NAALADL2: variants seen among roughly 807,000 people sequenced by gnomAD.
NAALADL2 encodes N-acetylated alpha-linked acidic dipeptidase like 2.
NAALADL2 carries 76 observed loss-of-function variants against 87.2 expected under a neutral mutation model. The observed-to-expected ratio is 0.87, with a 90% CI of 0.72 to 1.05. The LOEUF (loss-of-function observed/expected upper bound fraction) is 1.05. Ranked by LOEUF, NAALADL2 falls within the 50% of genes least tolerant of loss-of-function variation. NAALADL2 has a pLI of 0.00. For missense variants in NAALADL2, 1,089 were observed against 945.8 expected, an observed-to-expected ratio of 1.15 and a Z score of -1.99; for synonymous variants, 354 against 331.0, an observed-to-expected ratio of 1.07 and a Z score of -0.75.
chr3:174,687,204 T>C (rs1050707407), intron 2 of NAALADL2, among the ~76,000 whole-genome samples: 4 of 152,146 alleles, frequency 2.6e-5, no homozygotes, highest in African/African-American at 9.7e-5. Context: ...ACTGGAACCC[T>C]CCTTTCTCGA....
chr3:175,620,274 A>G (rs879350953), intron 10 of NAALADL2, among the ~76,000 whole-genome samples: 2 of 152,050 alleles, frequency 1.3e-5, no homozygotes, highest in Non-Finnish European at 2.9e-5. Context: ...GGCAGGCTGC[A>G]CTCAGCTCTT....
intron 2 of NAALADL2, among the ~76,000 whole-genome samples, chr3:175,229,810 C>T (rs1045203912): frequency 1.3e-5 from 2 of 151,892 alleles, no homozygotes; most frequent in African/African-American, 4.8e-5. Context: ...CAATGTAATT[C>T]CAGTCACAAT....
intron 10 of NAALADL2, among the ~76,000 whole-genome samples, chr3:175,598,077 T>C (rs903384687): frequency 9.9e-5 from 15 of 152,020 alleles, no homozygotes; most frequent in Admixed American, 9.8e-4. Flanking sequence ...ATGAGGGGCA[T>C]AGCAAAACAG....
At chr3:175,691,573 C>T (rs560204093) in intron 11 of NAALADL2, among the ~76,000 whole-genome samples, 1 of 151,870 alleles carries the variant, frequency 6.6e-6, no homozygotes, top group African/African-American at 2.4e-5. Context: ...TCTTCCTTGT[C>T]AATTTTTACA....
intron 3 of NAALADL2, among the ~76,000 whole-genome samples, chr3:175,241,588 T>C (rs1560216027): frequency 1.3e-5 from 2 of 152,318 alleles, no homozygotes; most frequent in South Asian, 2.1e-4. Flanking sequence ...TAAGAAGATA[T>C]ATATTTTCCC....
At chr3:175,031,382 T>C (rs927415154) in intron 1 of NAALADL2, among the ~76,000 whole-genome samples, 2 of 152,074 alleles carry the variant, frequency 1.3e-5, no homozygotes, top group Non-Finnish European at 2.9e-5. Context: ...GTGGTACCTG[T>C]TTCTGCATTA....
At chr3:174,748,477 A>G (rs1326360691) in intron 3 of NAALADL2, among the ~76,000 whole-genome samples, 2 of 152,146 alleles carry the variant, frequency 1.3e-5, no homozygotes, top group East Asian at 3.9e-4. Flanking sequence ...GTTTTAATCA[A>G]GTGAAATCCA....
chr3:174,933,733 A>C (rs1163129380), intron 1 of NAALADL2, among the ~76,000 whole-genome samples: 1 of 152,198 alleles, frequency 6.6e-6, no homozygotes, highest in Non-Finnish European at 1.5e-5. Flanking sequence ...ACTCTAGGAT[A>C]TCTTTCGTTT....
intron 4 of NAALADL2, among the ~76,000 whole-genome samples, chr3:175,301,698 T>A (rs1017526823): frequency 6.6e-6 from 1 of 152,158 alleles, no homozygotes; most frequent in African/African-American, 2.4e-5. Flanking sequence ...AAGTGAAAGA[T>A]GAAATTCTAC....
intron 5 of NAALADL2, among the ~76,000 whole-genome samples, chr3:175,334,018 T>C (rs1761708716): frequency 6.6e-6 from 1 of 152,198 alleles, no homozygotes; most frequent in African/African-American, 2.4e-5. Context: ...CATCTTTGTA[T>C]GTTTGCATCA....
chr3:174,803,419 G>A (rs571602668), intron 3 of NAALADL2, among the ~76,000 whole-genome samples: 22 of 152,234 alleles, frequency 1.4e-4, no homozygotes, highest in Non-Finnish European at 2.6e-4. Flanking sequence ...CTCCCATTCT[G>A]TAGGTTGCCT....
At chr3:175,483,457 T>G (rs1290783583) in intron 9 of NAALADL2, among the ~76,000 whole-genome samples, 1 of 151,960 alleles carries the variant, frequency 6.6e-6, no homozygotes, top group Non-Finnish European at 1.5e-5. Context: ...ACTTATCAAG[T>G]GCTTGTACCT....
chr3:174,888,199 G>A (rs958405678), intron 1 of NAALADL2, among the ~76,000 whole-genome samples: 1 of 152,198 alleles, frequency 6.6e-6, no homozygotes, highest in Admixed American at 6.5e-5. Flanking sequence ...AGTCTAGAAT[G>A]TTATCAACAA....
At chr3:175,235,631 TA>T (rs1442748952) in intron 3 of NAALADL2, 1 of 152,256 alleles carries the variant, frequency 6.6e-6, no homozygotes, top group African/African-American at 2.4e-5. Flanking sequence ...TTACTCTGTC[TA>T]AGCCATACGC....
At chr3:175,557,624 T>C (rs1244536284) in intron 9 of NAALADL2, among the ~76,000 whole-genome samples, 1 of 152,184 alleles carries the variant, frequency 6.6e-6, no homozygotes, top group Non-Finnish European at 1.5e-5. Flanking sequence ...TTTTAATTTT[T>C]AGTTCCCACA....
intron 1 of NAALADL2, among the ~76,000 whole-genome samples, chr3:174,940,320 G>A (rs1579633650): frequency 2.0e-5 from 3 of 152,092 alleles, no homozygotes; most frequent in South Asian, 2.1e-4. Flanking sequence ...ATTTATTGAT[G>A]TACATATGTA....
chr3:174,892,142 C>T (rs1196957558), intron 1 of NAALADL2, among the ~76,000 whole-genome samples: 1 of 152,002 alleles, frequency 6.6e-6, no homozygotes, highest in Non-Finnish European at 1.5e-5. Context: ...CGATAAATAC[C>T]TAACTCTTCA....
chr3:174,701,447 G>A (rs1264353963), intron 2 of NAALADL2, among the ~76,000 whole-genome samples: 1 of 151,894 alleles, frequency 6.6e-6, no homozygotes, highest in African/African-American at 2.4e-5. Context: ...TTTTTGAATA[G>A]TTTTATTTAG....
At chr3:174,853,747 A>C (rs1024086763) in intron 3 of NAALADL2, among the ~76,000 whole-genome samples, 1 of 152,208 alleles carries the variant, frequency 6.6e-6, no homozygotes, top group Non-Finnish European at 1.5e-5. Context: ...GCAAAAGAAG[A>C]TATAAAAATG....
Sources: allele counts gnomAD v4.1 joint callset (sites outside exome capture counted in the v4.1 genomes callset), GRCh38; gene constraint gnomAD v4.1.1; transcripts MANE v1.5; gene names NCBI Gene and HGNC (gene_info 2026-07-23, HGNC 2026-07-21).